Variants in ZFAND3 observed in about 807,000 individuals in gnomAD.
The protein encoded by ZFAND3 is AN1-type zinc finger protein 3.
ZFAND3 carries 10 observed loss-of-function variants against 29.6 expected under a neutral mutation model. The ratio of observed to expected loss-of-function variants is 0.34; its 90% CI spans 0.21 to 0.57. The LOEUF is 0.57. Ranked by LOEUF, ZFAND3 falls within the 20% of genes least tolerant of loss-of-function variation. The pLI is 0.86. For missense variants in ZFAND3, 230 were observed against 304.5 expected (o/e 0.76, Z 1.82); for synonymous variants, 128 against 112.6 (o/e 1.14, Z -0.87).
intron 2 of ZFAND3, among the ~76,000 whole-genome samples, chr6:37,974,405 T>C (rs1186652116): frequency 5.5e-5 from 7 of 128,208 alleles, no homozygotes; most frequent in Admixed American, 1.5e-4. Flanking sequence ...TCTCTCTCTT[T>C]TTTTTTTTTT....
intron 2 of ZFAND3, among the ~76,000 whole-genome samples, chr6:37,947,634 ACT>A (rs1258196304): frequency 6.6e-6 from 1 of 152,124 alleles, no homozygotes; most frequent in East Asian, 1.9e-4. Context: ...GGAAACAATG[ACT>A]CTGAATTCTG....
rs897426460 is a variant in ZFAND3, at chr6:38,154,514, C to A, written c.*2125C>A. The A allele has an allele frequency of 5.1e-6, 5 of 979,906 alleles. No individual in the cohort carries two copies. The African/African-American group carries it at 8.8e-5, about 17-fold the overall frequency. The allele number at this position is 979,906 out of a possible 1,614,324, so 60.7% of individuals were successfully genotyped here. A position where few individuals can be genotyped will look rare whatever the true frequency, so the allele number is the denominator to read the frequency against. On this transcript the variant is annotated 3_prime_UTR_variant, in exon 6 of 6. Coordinates refer to ENST00000287218, the MANE Select transcript of ZFAND3 (RefSeq NM_021943.3). ...TTTGTGTTCTAGATTTACTTACACACATAGCCTAGAGCTCAGTTTTAGTTT... is the reference window on the plus strand; with the variant it reads ...TTTGTGTTCTAGATTTACTTACACAAATAGCCTAGAGCTCAGTTTTAGTTT...
At chr6:37,854,226 C>T (rs1349430911) in intron 1 of ZFAND3, among the ~76,000 whole-genome samples, 2 of 152,192 alleles carry the variant, frequency 1.3e-5, no homozygotes, top group African/African-American at 2.4e-5. Flanking sequence ...GCTGGGATTA[C>T]AAGCGTGATC....
chr6:38,091,329 G>A (rs958294857), intron 4 of ZFAND3, among the ~76,000 whole-genome samples: 2 of 151,708 alleles, frequency 1.3e-5, no homozygotes, highest in East Asian at 3.9e-4. Context: ...TTTATCATAG[G>A]TTGCATTCTT....
chr6:37,851,492 C>G (rs1357450091), intron 1 of ZFAND3, among the ~76,000 whole-genome samples: 1 of 128,826 alleles, frequency 7.8e-6, no homozygotes, highest in East Asian at 2.1e-4. Context: ...TGCCTCCAAA[C>G]TATCTTGTTT....
chr6:37,914,924 T>C (rs1326289843), intron 1 of ZFAND3, among the ~76,000 whole-genome samples: 1 of 152,150 alleles, frequency 6.6e-6, no homozygotes, highest in Non-Finnish European at 1.5e-5. Flanking sequence ...CTTTGAAACG[T>C]TGAAGCCCAG....
chr6:37,856,259 T>G (rs997062677), intron 1 of ZFAND3, among the ~76,000 whole-genome samples: 10 of 152,284 alleles, frequency 6.6e-5, no homozygotes, highest in Admixed American at 6.5e-4. Context: ...CCTCCCAGAT[T>G]GCTGGGATTA....
At chr6:37,980,397 T>A (rs1762559426) in intron 2 of ZFAND3, among the ~76,000 whole-genome samples, 1 of 152,210 alleles carries the variant, frequency 6.6e-6, no homozygotes, top group Non-Finnish European at 1.5e-5. Flanking sequence ...TGTTTAGAGC[T>A]GTTTGGGTAA....
chr6:37,906,924 ATTC>A (rs1214463283), intron 1 of ZFAND3, among the ~76,000 whole-genome samples: 2 of 151,916 alleles, frequency 1.3e-5, no homozygotes, highest in South Asian at 2.1e-4. Context: ...TAATTTATGT[ATTC>A]TTCTCTAGGG....
chr6:37,956,965 A>G (rs1378939772), intron 2 of ZFAND3, among the ~76,000 whole-genome samples: 2 of 152,200 alleles, frequency 1.3e-5, no homozygotes, highest in South Asian at 2.1e-4. Context: ...TTGGAGGTCT[A>G]AGCCTGTGAC....
chr6:38,086,742 A>G (rs1423506558), intron 4 of ZFAND3, among the ~76,000 whole-genome samples: 4 of 152,192 alleles, frequency 2.6e-5, no homozygotes, highest in East Asian at 1.9e-4. Flanking sequence ...TTAGCTGGCT[A>G]TCTTCATGAC....
chr6:37,907,685 A>C (rs1364258388), intron 1 of ZFAND3, among the ~76,000 whole-genome samples: 2 of 152,186 alleles, frequency 1.3e-5, no homozygotes, highest in Non-Finnish European at 2.9e-5. Context: ...ATGAACATTC[A>C]AGTACAAGTC....
chr6:37,890,312 T>C (rs1267082300), intron 1 of ZFAND3, among the ~76,000 whole-genome samples: 1 of 152,184 alleles, frequency 6.6e-6, no homozygotes, highest in Non-Finnish European at 1.5e-5. Context: ...ATTATCAAAT[T>C]TGAGATGCTT....
intron 2 of ZFAND3, among the ~76,000 whole-genome samples, chr6:38,022,442 T>C (rs1048465080): frequency 3.9e-5 from 6 of 152,258 alleles, no homozygotes; most frequent in Non-Finnish European, 8.8e-5. Flanking sequence ...AAAATGCAGC[T>C]ATTTCTTCTT....
chr6:38,144,184 A>ATAATATATATGT, intron 5 of ZFAND3, among the ~76,000 whole-genome samples: 1 of 42,544 alleles, frequency 2.4e-5, no homozygotes, highest in African/African-American at 1.0e-4. Context: ...ATATATATAT[A>ATAATATATATGT]ATATATATAT....
At chr6:37,923,693 T>G (rs1425776072) in intron 1 of ZFAND3, among the ~76,000 whole-genome samples, 1 of 152,232 alleles carries the variant, frequency 6.6e-6, no homozygotes, top group Non-Finnish European at 1.5e-5. Flanking sequence ...ACTGTGTTGC[T>G]CTAACACTAC....
chr6:38,063,975 GGTA>G (rs1339097293), intron 3 of ZFAND3, among the ~76,000 whole-genome samples: 1 of 151,968 alleles, frequency 6.6e-6, no homozygotes, highest in East Asian at 1.9e-4. Flanking sequence ...CGGTGAAAAT[GGTA>G]GTGGTCATGC....
At chr6:38,144,563 A>C (rs867293300) in intron 5 of ZFAND3, among the ~76,000 whole-genome samples, 48 of 152,336 alleles carry the variant, frequency 3.2e-4, no homozygotes, top group South Asian at 1.2e-3. Flanking sequence ...GCGTGCTGCC[A>C]CCTCGGGCTG....
At chr6:38,026,081 C>T (rs1763441645) in intron 2 of ZFAND3, among the ~76,000 whole-genome samples, 2 of 152,082 alleles carry the variant, frequency 1.3e-5, no homozygotes, top group Admixed American at 1.3e-4. Flanking sequence ...ACAAAAATAA[C>T]CTATTACTTA....
Sources: allele counts gnomAD v4.1 joint callset (sites outside exome capture counted in the v4.1 genomes callset), GRCh38; gene constraint gnomAD v4.1.1; transcripts MANE v1.5; gene names NCBI Gene and HGNC (gene_info 2026-07-23, HGNC 2026-07-21).